The following TRMT9B variants were observed in gnomAD, a reference collection of about 807,000 sequenced individuals.
The protein encoded by TRMT9B is tRNA methyltransferase 9B (putative), also known as probable tRNA methyltransferase 9B.
TRMT9B carries 16 observed loss-of-function variants against 11.5 expected under a neutral mutation model. The observed-to-expected ratio is 1.39, with a 90% confidence interval of 0.94 to 2.11. The LOEUF (loss-of-function observed/expected upper bound fraction) is 2.11, where lower values mean the gene tolerates loss of function less well. Among genes scored for constraint, TRMT9B ranks in the 30% most tolerant of loss-of-function variants. The pLI is 0.00. For synonymous variants in TRMT9B, 274 were observed against 192.4 expected, an observed-to-expected ratio of 1.42 and a Z score of -3.51; for missense variants, 941 against 553.8, an observed-to-expected ratio of 1.70 and a Z score of -7.02.
chr8:13,020,147 C>A (rs1367541829), intron 4 of TRMT9B, among the ~76,000 whole-genome samples: 2 of 152,186 alleles, frequency 1.3e-5, no homozygotes, highest in African/African-American at 2.4e-5. Flanking sequence ...CAGGCTCTGT[C>A]TCTGCCCTCA....
rs1307950784 is a variant in TRMT9B, at chr8:13,021,781, G to T, written c.1102G>T (p.Asp368Tyr). Residue 368 changes from aspartate (D) to tyrosine (Y), a missense_variant, in exon 5 of 5, where the codon GAT becomes TAT. Asp to Tyr is a radical substitution (Grantham distance 160). Coordinates refer to ENST00000524591, the MANE Select transcript of TRMT9B (RefSeq NM_020844.3). Reference sequence around the variant, plus strand: ...TGTGGATGCAGGCAACATAGAAGATGATAATCCTTCTGCTAGTAAAATATT... The same window carrying T: ...TGTGGATGCAGGCAACATAGAAGATTATAATCCTTCTGCTAGTAAAATATT... ...NCVDAGNIED[D>Y]NPSASKILRR... 2.5e-6 allele frequency: 4 copies of T among 1,613,912 alleles called. No individual in the cohort carries two copies. The highest frequency in any genetic ancestry group is 2.5e-6 in the Non-Finnish European group (3 of 1,179,872).
At chr8:12,950,011 C>T (rs1401707113) in intron 1 of TRMT9B, among the ~76,000 whole-genome samples, 2 of 152,138 alleles carry the variant, frequency 1.3e-5, no homozygotes, top group Non-Finnish European at 2.9e-5. Context: ...CACCACCACG[C>T]CCAGCTAATG....
intron 1 of TRMT9B, among the ~76,000 whole-genome samples, chr8:12,958,011 T>C (rs1242493585): frequency 1.3e-5 from 2 of 152,176 alleles, no homozygotes; most frequent in Admixed American, 6.5e-5. Flanking sequence ...TCCACTTATA[T>C]AGTATATTAG....
Position 12,955,716 on chromosome 8 carries a change from C to T in TRMT9B, c.-200+9750C>T, listed in dbSNP as rs187521742. Among the ~76,000 whole-genome samples the T allele has an allele frequency of 3.6e-4, 55 of 152,294 alleles. No homozygotes were observed. In the East Asian group the frequency reaches 8.7e-3, roughly 24 times the overall value. On this transcript the variant is annotated intron_variant, in intron 1 of 4. Coordinates refer to ENST00000524591, the MANE Select transcript of TRMT9B (RefSeq NM_020844.3). ...TCTGTTAGGTTGCAGATAATGGAAA[C>T]TATCCTAACTATTTCGAGCAGGAAG...
intron 1 of TRMT9B, among the ~76,000 whole-genome samples, chr8:12,987,607 ATT>A (rs1806549894): frequency 6.6e-6 from 1 of 151,978 alleles, no homozygotes; most frequent in African/African-American, 2.4e-5. Context: ...CAGGAGGATC[ATT>A]TGCACCTGGG....
chr8:12,979,162 G>C (rs765081077), intron 1 of TRMT9B, among the ~76,000 whole-genome samples: 1 of 152,168 alleles, frequency 6.6e-6, no homozygotes. Context: ...GGAAGTAAGC[G>C]TTGTCCTTTT....
chr8:13,022,070 A>G lies in TRMT9B; in HGVS notation c.*26A>G. The G allele has an allele frequency of 6.8e-7, 1 of 1,472,022 alleles. No individual in the cohort carries two copies. The highest frequency in any genetic ancestry group is 9.1e-7 in the Non-Finnish European group (1 of 1,092,924). 91.2% of individuals were successfully genotyped at this position (1,472,022 alleles called of 1,614,324 possible). ...TTGGATCCTTTTAGACAACTCCTCC[A>G]AAAGATGAACCACATTCTTTCCTCT... On this transcript the variant is annotated 3_prime_UTR_variant, in exon 5 of 5. Coordinates refer to ENST00000524591, the MANE Select transcript of TRMT9B (RefSeq NM_020844.3).
chr8:12,950,809 C>T (rs948043116), intron 1 of TRMT9B, among the ~76,000 whole-genome samples: 4 of 152,058 alleles, frequency 2.6e-5, no homozygotes, highest in Admixed American at 2.0e-4. Context: ...TGTTATAGAC[C>T]AGCGTCTATG....
rs1411254000 is a variant in TRMT9B at position 13,027,192 on chromosome 8, T to C, written c.*5148T>C. The C allele has an allele frequency of 2.4e-5, 4 of 167,108 alleles. No individual in the cohort carries two copies. 10.4% of individuals were successfully genotyped at this position (167,108 alleles called of 1,614,324 possible). A position where few individuals can be genotyped will look rare whatever the true frequency, so the allele number is the denominator to read the frequency against. On this transcript the variant is annotated 3_prime_UTR_variant, in exon 5 of 5. Transcript: ENST00000524591. The stretch of plus-strand genomic sequence containing the variant: ...TCTGCTGTGTGCTGGATACATATGA[T>C]ACAAGGTAATGACTATCTGGCATCT...
At chr8:12,981,497 A>C (rs1805381784) in intron 1 of TRMT9B, among the ~76,000 whole-genome samples, 1 of 152,224 alleles carries the variant, frequency 6.6e-6, no homozygotes, top group African/African-American at 2.4e-5. Context: ...GACGGCACGG[A>C]GCATTGGAGA....
Position 13,025,060 on chromosome 8 carries a change from G to C in TRMT9B, c.*3016G>C, listed in dbSNP as rs995915018. ...GTCGGCCTCAACTTGCTTGATGATAGATTCTACTGACCTAGCTGGAGTAAT... is the reference window on the plus strand; with the variant it reads ...GTCGGCCTCAACTTGCTTGATGATACATTCTACTGACCTAGCTGGAGTAAT... On this transcript the variant is annotated 3_prime_UTR_variant, in exon 5 of 5. Transcript: ENST00000524591. 1.2e-5 allele frequency: 2 copies of C among 167,036 alleles called. No homozygotes were observed. The highest frequency in any genetic ancestry group is 1.3e-4 in the Admixed American group (2 of 15,278). The allele number at this position is 167,036 out of a possible 1,614,324, so 10.3% of individuals were successfully genotyped here. A position where few individuals can be genotyped will look rare whatever the true frequency, so the allele number is the denominator to read the frequency against.
intron 1 of TRMT9B, among the ~76,000 whole-genome samples, chr8:12,947,619 A>G (rs1329409251): frequency 6.6e-6 from 1 of 152,358 alleles, no homozygotes; most frequent in South Asian, 2.1e-4. Flanking sequence ...AAATATGTGC[A>G]TTGAGTTCTA....
At chr8:12,985,015 T>C (rs1238258009) in intron 1 of TRMT9B, among the ~76,000 whole-genome samples, 2 of 151,552 alleles carry the variant, frequency 1.3e-5, no homozygotes, top group Non-Finnish European at 1.5e-5. Flanking sequence ...CCCACCCAGA[T>C]GTTATCATGT....
At chr8:12,976,479 C>G (rs1804471985) in intron 1 of TRMT9B, among the ~76,000 whole-genome samples, 1 of 151,474 alleles carries the variant, frequency 6.6e-6, no homozygotes, top group African/African-American at 2.4e-5. Flanking sequence ...GTGGCTCGTG[C>G]CTATAATCTC....
At chr8:12,992,822 T>A (rs1299772778) in intron 2 of TRMT9B, among the ~76,000 whole-genome samples, 2 of 151,908 alleles carry the variant, frequency 1.3e-5, no homozygotes, top group Non-Finnish European at 2.9e-5. Context: ...TGAGCAGAGA[T>A]CATGCCACTA....
chr8:12,966,038 C>A (rs1370354820), intron 1 of TRMT9B, among the ~76,000 whole-genome samples: 4 of 151,332 alleles, frequency 2.6e-5, no homozygotes, highest in African/African-American at 9.7e-5. Context: ...AAAAGAAGCA[C>A]TCCATGGCCA....
At chr8:12,978,537 T>C (rs1003215436) in intron 1 of TRMT9B, among the ~76,000 whole-genome samples, 40 of 151,722 alleles carry the variant, frequency 2.6e-4, no homozygotes, top group African/African-American at 9.7e-4. Flanking sequence ...GATAGATAGA[T>C]AGATAGATAG....
At chr8:13,014,257 T>C (rs549160668) in intron 4 of TRMT9B, among the ~76,000 whole-genome samples, 77 of 152,304 alleles carry the variant, frequency 5.1e-4, no homozygotes, top group African/African-American at 1.9e-3. Flanking sequence ...GTTGTAAGCA[T>C]TAAGAGGATT....
chr8:13,006,637 G>C lies in TRMT9B; in HGVS notation c.154+281G>C, dbSNP rs1190209038. On this transcript the variant is annotated intron_variant, in intron 3 of 4. Coordinates refer to ENST00000524591, the MANE Select transcript of TRMT9B (RefSeq NM_020844.3). ...GCAGAAACTCGAGACAGTCAAGTCA[G>C]CAGCAAGTAAAAAACTTTCTCAAAC... 5.9e-6 allele frequency: 8 copies of C among 1,354,142 alleles called. No homozygotes were observed. In the South Asian group the frequency reaches 1.8e-4, roughly 30 times the overall value. 83.9% of individuals were successfully genotyped at this position (1,354,142 alleles called of 1,614,324 possible).
Sources: gnomAD v4.1 joint callset for allele counts (sites outside exome capture counted in the v4.1 genomes callset) on GRCh38, gnomAD v4.1.1 for gene constraint, MANE v1.5 for transcripts, NCBI Gene and HGNC (gene_info 2026-07-23, HGNC 2026-07-21) for gene names.